GRID2: variants seen among roughly 807,000 people sequenced by gnomAD.
The protein encoded by GRID2 is glutamate ionotropic receptor delta type subunit 2, also known as glutamate receptor ionotropic, delta-2.
A neutral mutation model predicts 114.8 loss-of-function variants in GRID2; 33 were observed. The observed-to-expected ratio is 0.29, with a 90% CI of 0.22 to 0.38. The LOEUF (loss-of-function observed/expected upper bound fraction) is 0.38. Ranked by LOEUF, GRID2 falls within the 10% of genes least tolerant of loss-of-function variation. The probability of loss-of-function intolerance (pLI) is 1.00; values close to 1 mark genes in which losing one functional copy is unlikely to be tolerated. For missense variants in GRID2, 1,184 were observed against 1,257.7 expected, an observed-to-expected ratio of 0.94 and a Z score of 0.89; for synonymous variants, 505 against 449.9, an observed-to-expected ratio of 1.12 and a Z score of -1.55.
chr4:92,828,058 T>TAAAAAG (rs1741851164), intron 2 of GRID2, among the ~76,000 whole-genome samples: 1 of 152,058 alleles, frequency 6.6e-6, no homozygotes, highest in South Asian at 2.1e-4. Flanking sequence ...CTTTCTTGAC[T>TAAAAAG]TCAATCTCCA....
intron 13 of GRID2, among the ~76,000 whole-genome samples, chr4:93,591,315 A>G (rs1203184154): frequency 1.3e-5 from 2 of 151,892 alleles, no homozygotes; most frequent in African/African-American, 2.4e-5. Flanking sequence ...TGATATAATC[A>G]TGTGGTTTTT....
At chr4:93,222,007 C>G (rs773408184) in intron 6 of GRID2, among the ~76,000 whole-genome samples, 1 of 152,158 alleles carries the variant, frequency 6.6e-6, no homozygotes, top group Non-Finnish European at 1.5e-5. Context: ...CGTGTCTCAA[C>G]GTCTGCCAAA....
At chr4:93,300,891 G>A (rs1754802731) in intron 8 of GRID2, among the ~76,000 whole-genome samples, 2 of 152,188 alleles carry the variant, frequency 1.3e-5, no homozygotes, top group African/African-American at 2.4e-5. Flanking sequence ...CCGGTGGTCA[G>A]AGAGAAACAG....
At chr4:93,174,697 A>G (rs560363211) in intron 4 of GRID2, among the ~76,000 whole-genome samples, 1 of 152,258 alleles carries the variant, frequency 6.6e-6, no homozygotes, top group Non-Finnish European at 1.5e-5. Flanking sequence ...AGCCAAGAAT[A>G]CAGCCCTCAC....
chr4:93,327,067 A>G (rs2149219989), intron 8 of GRID2, among the ~76,000 whole-genome samples: 1 of 152,166 alleles, frequency 6.6e-6, no homozygotes, highest in East Asian at 1.9e-4. Context: ...AAGTGTTGGA[A>G]TTTCCTAGGA....
At chr4:93,238,180 A>G (rs902718974) in intron 7 of GRID2, among the ~76,000 whole-genome samples, 191 bp from the exon 8 acceptor site, 1 of 151,862 alleles carries the variant, frequency 6.6e-6, no homozygotes, top group Non-Finnish European at 1.5e-5. Flanking sequence ...GGATTAAGGA[A>G]TTTCCAAAGT....
intron 2 of GRID2, among the ~76,000 whole-genome samples, chr4:92,818,431 A>C (rs1217724992): frequency 6.6e-6 from 1 of 152,112 alleles, no homozygotes; most frequent in East Asian, 1.9e-4. Flanking sequence ...AATGATGGAG[A>C]ATTTTGACAG....
intron 2 of GRID2, among the ~76,000 whole-genome samples, chr4:92,897,066 C>G (rs1259335330): frequency 2.6e-5 from 4 of 152,014 alleles, no homozygotes; most frequent in East Asian, 1.9e-4. Flanking sequence ...AATTATGACC[C>G]TCCTGTTTGC....
chr4:92,799,234 C>T (rs191442503), intron 2 of GRID2, among the ~76,000 whole-genome samples: 209 of 152,042 alleles, frequency 1.4e-3, no homozygotes, highest in African/African-American at 4.9e-3. Context: ...ATAATGAAGG[C>T]GCAACCTAGA....
At chr4:92,997,688 G>A (rs760591958) in intron 2 of GRID2, among the ~76,000 whole-genome samples, 1 of 152,028 alleles carries the variant, frequency 6.6e-6, no homozygotes, top group African/African-American at 2.4e-5. Flanking sequence ...TAATTTTATC[G>A]CTCTGATTCT....
intron 2 of GRID2, among the ~76,000 whole-genome samples, chr4:93,053,188 AC>A (rs1157114147): frequency 6.6e-6 from 1 of 151,926 alleles, no homozygotes. Flanking sequence ...CAGCAGCATC[AC>A]CTGGAGATTT....
intron 13 of GRID2, among the ~76,000 whole-genome samples, chr4:93,527,912 T>C (rs776829626): frequency 1.3e-5 from 2 of 152,076 alleles, no homozygotes; most frequent in African/African-American, 2.4e-5. Flanking sequence ...ATTATGTCTC[T>C]ACGAATTTGA....
intron 1 of GRID2, among the ~76,000 whole-genome samples, chr4:92,382,119 C>T (rs370640963): frequency 5.3e-5 from 8 of 150,958 alleles, no homozygotes; most frequent in African/African-American, 7.3e-5. Context: ...ATAGTTACAC[C>T]GAGATTGATA....
At chr4:92,396,862 A>G (rs1406277071) in intron 1 of GRID2, among the ~76,000 whole-genome samples, 1 of 152,082 alleles carries the variant, frequency 6.6e-6, no homozygotes, top group Non-Finnish European at 1.5e-5. Flanking sequence ...TTGACCTAGC[A>G]ACAATTTAAA....
At chr4:93,798,235 T>G (rs78075817) in intron 1 of GRID2, among the ~76,000 whole-genome samples, 6 of 152,090 alleles carry the variant, frequency 3.9e-5, no homozygotes, top group African/African-American at 1.4e-4. Flanking sequence ...AAGGGAAACT[T>G]GTAAATGTCA....
intron 2 of GRID2, among the ~76,000 whole-genome samples, chr4:92,697,991 A>G (rs2149298751): frequency 6.6e-6 from 1 of 152,262 alleles, no homozygotes; most frequent in East Asian, 1.9e-4. Flanking sequence ...TTTGATAAGG[A>G]GTTGTACAAC....
chr4:93,741,776 T>C (rs1731440042), intron 14 of GRID2, among the ~76,000 whole-genome samples: 1 of 151,958 alleles, frequency 6.6e-6, no homozygotes, highest in Non-Finnish European at 1.5e-5. Flanking sequence ...ATACAAAAAT[T>C]AGCTGGGCAT....
chr4:93,529,590 C>A (rs1489326486), intron 13 of GRID2, among the ~76,000 whole-genome samples: 1 of 152,112 alleles, frequency 6.6e-6, no homozygotes, highest in Non-Finnish European at 1.5e-5. Context: ...TGCCTTCCAA[C>A]TAGAGGATTT....
At chr4:93,104,423 C>G (rs1732000365) in intron 3 of GRID2, among the ~76,000 whole-genome samples, 1 of 152,004 alleles carries the variant, frequency 6.6e-6, no homozygotes, top group Admixed American at 6.6e-5. Context: ...CGTCATTTAG[C>G]ATTAGGTATA....
Sources: gnomAD v4.1 joint callset for allele counts (sites outside exome capture counted in the v4.1 genomes callset) on GRCh38, gnomAD v4.1.1 for gene constraint, MANE v1.5 for transcripts, NCBI Gene and HGNC (gene_info 2026-07-23, HGNC 2026-07-21) for gene names.